LANCL2: variants seen among roughly 807,000 people sequenced by gnomAD.
LANCL2 encodes LanC like glutathione S-transferase 2.
In LANCL2, 33 loss-of-function variants were observed where a neutral mutation model predicts 56.9. The ratio of observed to expected loss-of-function variants is 0.58; its 90% CI spans 0.44 to 0.78. LANCL2 has a LOEUF of 0.78. Ranked by LOEUF, LANCL2 falls within the 30% of genes least tolerant of loss-of-function variation. The pLI, the probability that LANCL2 is intolerant of heterozygous loss-of-function variation, is 0.00. For missense variants in LANCL2, 562 were observed against 580.2 expected (o/e 0.97, Z 0.32); for synonymous variants, 233 against 228.2 (o/e 1.02, Z -0.19).
intron 5 of LANCL2, among the ~76,000 whole-genome samples, chr7:55,405,110 C>T (rs1790390176): frequency 2.0e-5 from 3 of 152,224 alleles, no homozygotes. Context: ...GCCCCATCAT[C>T]TGTCATCTAC....
intron 6 of LANCL2, among the ~76,000 whole-genome samples, chr7:55,421,006 A>C (rs770025417): frequency 6.6e-6 from 1 of 152,056 alleles, no homozygotes; most frequent in Non-Finnish European, 1.5e-5. Flanking sequence ...ATCTCTGGTA[A>C]TATTCTTTAT....
intron 5 of LANCL2, among the ~76,000 whole-genome samples, chr7:55,406,982 C>G (rs1790414926): frequency 6.6e-6 from 1 of 152,090 alleles, no homozygotes; most frequent in African/African-American, 2.4e-5. Context: ...TCTACAGAAC[C>G]CCAGAACTCA....
At chr7:55,396,190 G>T (rs1014531078) in intron 2 of LANCL2, among the ~76,000 whole-genome samples, 1 of 152,182 alleles carries the variant, frequency 6.6e-6, no homozygotes, top group African/African-American at 2.4e-5. Flanking sequence ...ACTCAATGGG[G>T]ACCCAGTCAT....
At chr7:55,408,016 A>G (rs28712242) in intron 5 of LANCL2, among the ~76,000 whole-genome samples, 2,749 of 152,334 alleles carry the variant, frequency 0.018, 82 homozygotes, top group African/African-American at 0.061. Context: ...GGAGACCTGA[A>G]CAAGTAGAAA....
At chr7:55,368,611 T>C (rs533995348) in intron 1 of LANCL2, among the ~76,000 whole-genome samples, 8 of 152,338 alleles carry the variant, frequency 5.3e-5, no homozygotes, top group African/African-American at 1.9e-4. Context: ...CTGTTAAGAA[T>C]GCAATTTGAG....
At chr7:55,415,621 C>T (rs10243912) in intron 6 of LANCL2, among the ~76,000 whole-genome samples, 55 of 111,736 alleles carry the variant, frequency 4.9e-4, no homozygotes, top group South Asian at 1.2e-3. Flanking sequence ...GTTTTTCTTT[C>T]TTTTTTTTGA....
chr7:55,421,558 G>A (rs1463304337), intron 6 of LANCL2, among the ~76,000 whole-genome samples: 2 of 152,086 alleles, frequency 1.3e-5, no homozygotes, highest in South Asian at 2.1e-4. Context: ...GGCCAGGCTG[G>A]TCTCAAACTC....
At chr7:55,374,381 C>G (rs1266261607) in intron 1 of LANCL2, among the ~76,000 whole-genome samples, 2 of 152,160 alleles carry the variant, frequency 1.3e-5, no homozygotes, top group Non-Finnish European at 2.9e-5. Flanking sequence ...TTATGTAAAT[C>G]TATGACTATT....
At chr7:55,399,652 A>G (rs1790298232) in intron 3 of LANCL2, among the ~76,000 whole-genome samples, 1 of 152,116 alleles carries the variant, frequency 6.6e-6, no homozygotes, top group Admixed American at 6.5e-5. Context: ...CTGCAGTACC[A>G]TTTTTATTTA....
In LANCL2 at chr7:55,432,915, G is replaced by A. The variant is rs1277392576; in HGVS notation, c.*1595G>A. ...CAGGGCCTGTTGATGGGCTTTGCAG[G>A]CAGTCCAGCAGCCCACACCTGCAGG... On this transcript the variant is annotated 3_prime_UTR_variant, in exon 9 of 9. Transcript: ENST00000254770. 1 of 152,214 alleles carries A rather than the reference G, an allele frequency of 6.6e-6. No individual in the cohort carries two copies. Among genetic ancestry groups the A allele is most frequent in the East Asian group, 1.9e-4 (1 of 5,196 alleles). 9.4% of individuals were successfully genotyped at this position (152,214 alleles called of 1,614,324 possible).
At chr7:55,416,989 T>TTG (rs1290158866) in intron 6 of LANCL2, among the ~76,000 whole-genome samples, 5 of 139,342 alleles carry the variant, frequency 3.6e-5, no homozygotes, top group Non-Finnish European at 7.7e-5. Context: ...TTTTTTTTTT[T>TTG]TTTTTTTGGA....
chr7:55,400,980 G>T (rs1012467900), intron 4 of LANCL2, among the ~76,000 whole-genome samples, 194 bp from the exon 5 acceptor site: 9 of 152,102 alleles, frequency 5.9e-5, no homozygotes, highest in Non-Finnish European at 1.3e-4. Context: ...ATTGGCTCCT[G>T]ATTTCTTTTT....
chr7:55,373,390 A>G (rs149383777), intron 1 of LANCL2, among the ~76,000 whole-genome samples: 7,613 of 152,062 alleles, frequency 0.05, 646 homozygotes, highest in African/African-American at 0.17. Context: ...TCCCAGGCTC[A>G]AGAGATCCTC....
rs58005456 is a variant in LANCL2 at position 55,401,515 on chromosome 7, CTTTTTTTTTTTTTTT to C, written c.825+207_825+221del. On this transcript the variant is annotated intron_variant, in intron 5 of 8. Transcript: ENST00000254770. ...TTCCTGAGTACATTTGGTATGGAGT[CTTTTTTTTTTTTTTT>C]TTTTTTTTTTTCCAATTTTCTTTTT... Among the ~76,000 whole-genome samples the C allele has an allele frequency of 6.7e-3, 387 of 58,064 alleles. 6 individuals carry two copies. The highest frequency in any genetic ancestry group is 0.027 in the African/African-American group (379 of 14,020). 38.1% of individuals were successfully genotyped at this position (58,064 alleles called of 152,430 possible).
chr7:55,378,212 C>G (rs1790024768), intron 1 of LANCL2, among the ~76,000 whole-genome samples: 1 of 152,190 alleles, frequency 6.6e-6, no homozygotes, highest in Admixed American at 6.5e-5. Flanking sequence ...ATAATCCTAG[C>G]ACTTTAGGAG....
intron 2 of LANCL2, among the ~76,000 whole-genome samples, chr7:55,395,233 A>G (rs1472279570): frequency 6.6e-6 from 1 of 152,220 alleles, no homozygotes; most frequent in Non-Finnish European, 1.5e-5. Context: ...TCCATAATAT[A>G]AAGAAGAAAA....
At chr7:55,424,955 C>G (rs146426596) in intron 6 of LANCL2, among the ~76,000 whole-genome samples, 186 of 152,306 alleles carry the variant, frequency 1.2e-3, no homozygotes, top group African/African-American at 4.3e-3. Flanking sequence ...ATGATCTGAG[C>G]TGGAACAGTT....
chr7:55,391,504 T>C (rs1790190020), intron 1 of LANCL2, among the ~76,000 whole-genome samples: 1 of 150,500 alleles, frequency 6.6e-6, no homozygotes, highest in South Asian at 2.1e-4. Flanking sequence ...GAAATGTTTA[T>C]ATAGTTAAAT....
chr7:55,425,169 A>G lies in LANCL2; in HGVS notation c.1009-85A>G, dbSNP rs953815620. 5.8e-6 allele frequency: 8 copies of G among 1,378,582 alleles called. No individual in the cohort carries two copies. In the African/African-American group the frequency reaches 8.6e-5, roughly 15 times the overall value. The allele number at this position is 1,378,582 out of a possible 1,614,324, so 85.4% of individuals were successfully genotyped here. A position where few individuals can be genotyped will look rare whatever the true frequency, so the allele number is the denominator to read the frequency against. ...ATTTCAGTTTTCCTAATATCATGCC[A>G]TATTCTAACCAGAAAGGGAAAGTAT... On this transcript the variant is annotated intron_variant, in intron 6 of 8. Transcript: ENST00000254770.
Sources: gnomAD v4.1 joint callset for allele counts (sites outside exome capture counted in the v4.1 genomes callset) on GRCh38, gnomAD v4.1.1 for gene constraint, MANE v1.5 for transcripts, NCBI Gene and HGNC (gene_info 2026-07-23, HGNC 2026-07-21) for gene names.